CDH18: variants seen among roughly 807,000 people sequenced by gnomAD.
The protein encoded by CDH18 is cadherin-18.
In CDH18, 31 loss-of-function variants were observed where a neutral mutation model predicts 67.9. That is an observed-to-expected ratio of 0.46 (90% confidence interval 0.34 to 0.62). CDH18 has a LOEUF of 0.62. Among genes scored for constraint, CDH18 ranks in the 20% least tolerant of loss-of-function variants. The pLI, the probability that CDH18 is intolerant of heterozygous loss-of-function variation, is 0.01. For missense variants in CDH18, 890 were observed against 975.5 expected (o/e 0.91, Z 1.17); for synonymous variants, 362 against 347.2 (o/e 1.04, Z -0.48).
At chr5:19,714,963 CTTT>C (rs1214826533) in intron 5 of CDH18, among the ~76,000 whole-genome samples, 1 of 151,926 alleles carries the variant, frequency 6.6e-6, no homozygotes, top group African/African-American at 2.4e-5. Flanking sequence ...GTGAAATCTT[CTTT>C]ATCTTCTGCA....
At chr5:19,577,909 A>G (rs900782341) in intron 7 of CDH18, among the ~76,000 whole-genome samples, 1 of 152,204 alleles carries the variant, frequency 6.6e-6, no homozygotes, top group Non-Finnish European at 1.5e-5. Flanking sequence ...AAGGGTCCTT[A>G]TAAGAGTGGC....
intron 1 of CDH18, among the ~76,000 whole-genome samples, chr5:20,385,342 T>C (rs1744229453): frequency 6.6e-6 from 1 of 152,124 alleles, no homozygotes. Flanking sequence ...AGAATGTCCT[T>C]GGTGGCTCTG....
chr5:19,709,145 C>A (rs1764369916), intron 5 of CDH18, among the ~76,000 whole-genome samples: 1 of 152,014 alleles, frequency 6.6e-6, no homozygotes, highest in South Asian at 2.1e-4. Context: ...CCTCAACTGG[C>A]ACTTACCACT....
At chr5:19,909,920 C>T (rs927953306) in intron 2 of CDH18, among the ~76,000 whole-genome samples, 1 of 152,120 alleles carries the variant, frequency 6.6e-6, no homozygotes, top group Non-Finnish European at 1.5e-5. Flanking sequence ...TCAAAAACTA[C>T]ATATGCGTTG....
intron 7 of CDH18, among the ~76,000 whole-genome samples, chr5:19,577,268 T>C (rs960881513): frequency 6.6e-6 from 1 of 152,240 alleles, no homozygotes; most frequent in Non-Finnish European, 1.5e-5. Flanking sequence ...ATGTAAATGA[T>C]AAATATTTGA....
intron 5 of CDH18, among the ~76,000 whole-genome samples, chr5:19,625,647 C>G (rs1442901656): frequency 2.0e-5 from 3 of 152,078 alleles, no homozygotes; most frequent in Non-Finnish European, 4.4e-5. Flanking sequence ...ATCATCTTTC[C>G]TTTGTGTGTA....
chr5:19,606,357 C>A, intron 6 of CDH18, among the ~76,000 whole-genome samples: 1 of 151,926 alleles, frequency 6.6e-6, no homozygotes, highest in East Asian at 1.9e-4. Flanking sequence ...ATGACCCAGG[C>A]ATGATTATGA....
chr5:20,112,627 T>C (rs1747572968), intron 2 of CDH18, among the ~76,000 whole-genome samples: 1 of 152,070 alleles, frequency 6.6e-6, no homozygotes, highest in Non-Finnish European at 1.5e-5. Flanking sequence ...GGCAGGAGAA[T>C]TGCTTGAACC....
At chr5:20,349,322 G>A (rs1008563872) in intron 1 of CDH18, among the ~76,000 whole-genome samples, 1 of 152,072 alleles carries the variant, frequency 6.6e-6, no homozygotes, top group Non-Finnish European at 1.5e-5. Flanking sequence ...TCGAATTTTA[G>A]TATGATGTGA....
Position 19,703,575 on chromosome 5 carries a change from C to T in CDH18, c.643+17772G>A, listed in dbSNP as rs114503875. ...CCAGATCTTTCTTTTGTGGAGGACA[C>T]AGGGCAAAAAGTAGTTGCCCCAGTG... On this transcript the variant is annotated intron_variant, in intron 5 of 12. Coordinates refer to ENST00000382275, the MANE Select transcript of CDH18 (RefSeq NM_004934.5). Among the ~76,000 whole-genome samples, 586 of 152,056 alleles carry T rather than the reference C, an allele frequency of 3.9e-3. 2 individuals are homozygous for T. The highest frequency in any genetic ancestry group is 0.014 in the African/African-American group (568 of 41,466).
chr5:20,460,406 A>C (rs200752378), intron 1 of CDH18, among the ~76,000 whole-genome samples: 11 of 85,344 alleles, frequency 1.3e-4, no homozygotes, highest in South Asian at 9.5e-4. Context: ...TACATAAATA[A>C]ATAAATAAAT....
intron 5 of CDH18, among the ~76,000 whole-genome samples, chr5:19,638,514 A>G (rs1247865297): frequency 6.6e-6 from 1 of 151,278 alleles, no homozygotes; most frequent in East Asian, 2.0e-4. Context: ...TGAAGAGCAA[A>G]TGTTTCTTTA....
chr5:20,185,197 C>A (rs1280293072), intron 2 of CDH18, among the ~76,000 whole-genome samples: 3 of 152,036 alleles, frequency 2.0e-5, no homozygotes, highest in Non-Finnish European at 4.4e-5. Context: ...ATCCTGTCAA[C>A]AATATGTTCA....
intron 2 of CDH18, among the ~76,000 whole-genome samples, chr5:20,067,960 T>G (rs1743126540): frequency 6.6e-6 from 1 of 152,238 alleles, no homozygotes; most frequent in South Asian, 2.1e-4. Context: ...TCTAGGGCTA[T>G]ATTGTGACCT....
intron 5 of CDH18, among the ~76,000 whole-genome samples, chr5:19,623,477 T>C (rs1258613737): frequency 2.0e-5 from 3 of 152,178 alleles, no homozygotes; most frequent in African/African-American, 7.2e-5. Flanking sequence ...AGCTTATTCA[T>C]GTGGCTTATA....
At chr5:19,966,991 C>G (rs111613237) in intron 2 of CDH18, among the ~76,000 whole-genome samples, 186 of 151,618 alleles carry the variant, frequency 1.2e-3, no homozygotes, top group African/African-American at 4.4e-3. Flanking sequence ...TATAGCACAT[C>G]CATATAATAT....
At chr5:19,791,914 T>C (rs778713502) in intron 3 of CDH18, among the ~76,000 whole-genome samples, 4 of 152,214 alleles carry the variant, frequency 2.6e-5, no homozygotes, top group Non-Finnish European at 5.9e-5. Context: ...TATTCCATTT[T>C]TGCTTTATTA....
intron 2 of CDH18, among the ~76,000 whole-genome samples, chr5:20,120,992 T>G (rs565133937): frequency 6.6e-6 from 1 of 152,158 alleles, no homozygotes; most frequent in Non-Finnish European, 1.5e-5. Context: ...AACAACTAGA[T>G]AGTTGATATA....
At chr5:19,930,745 T>A (rs1211881931) in intron 2 of CDH18, among the ~76,000 whole-genome samples, 1 of 152,042 alleles carries the variant, frequency 6.6e-6, no homozygotes, top group Admixed American at 6.6e-5. Context: ...TCTAAGCTTA[T>A]GAAACTGCCC....
Sources: allele counts gnomAD v4.1 joint callset (sites outside exome capture counted in the v4.1 genomes callset), GRCh38; gene constraint gnomAD v4.1.1; transcripts MANE v1.5; gene names NCBI Gene and HGNC (gene_info 2026-07-23, HGNC 2026-07-21).